BARX2: variants seen among roughly 807,000 people sequenced by gnomAD.
BARX2 encodes the protein homeobox protein BarH-like 2.
A neutral mutation model predicts 25.5 loss-of-function variants in BARX2; 11 were observed. The ratio of observed to expected loss-of-function variants is 0.43; its 90% CI spans 0.27 to 0.71. The LOEUF is 0.71. Among genes scored for constraint, BARX2 ranks in the 30% least tolerant of loss-of-function variants. BARX2 has a pLI of 0.19. For synonymous variants in BARX2, 137 were observed against 149.5 expected (o/e 0.92, Z 0.61); for missense variants, 360 against 359.9 (o/e 1.00, Z 0.00).
At chr11:129,406,084 C>T (rs1407975609) in intron 1 of BARX2, among the ~76,000 whole-genome samples, 1 of 152,170 alleles carries the variant, frequency 6.6e-6, no homozygotes, top group Non-Finnish European at 1.5e-5. Context: ...GAGCATAGCA[C>T]AGTGCCTCGC....
chr11:129,424,319 C>T (rs1565518226), intron 1 of BARX2, among the ~76,000 whole-genome samples: 2 of 152,208 alleles, frequency 1.3e-5, no homozygotes, highest in African/African-American at 2.4e-5. Flanking sequence ...CTGTAAGCCT[C>T]ATGTTTTCTC....
chr11:129,384,828 C>G (rs1347754326), intron 1 of BARX2, among the ~76,000 whole-genome samples: 1 of 152,152 alleles, frequency 6.6e-6, no homozygotes, highest in Admixed American at 6.5e-5. Context: ...TAGAAATTAC[C>G]TAACATGTAA....
At chr11:129,431,387 G>T (rs1418560697) in intron 1 of BARX2, among the ~76,000 whole-genome samples, 1 of 152,120 alleles carries the variant, frequency 6.6e-6, no homozygotes, top group Non-Finnish European at 1.5e-5. Flanking sequence ...TTCCAAAGAG[G>T]CCGTACCAGT....
At chr11:129,424,959 T>C (rs1403194496) in intron 1 of BARX2, among the ~76,000 whole-genome samples, 1 of 152,252 alleles carries the variant, frequency 6.6e-6, no homozygotes, top group Non-Finnish European at 1.5e-5. Flanking sequence ...AGTTGGGTGA[T>C]TGAAAAAAAT....
chr11:129,382,857 A>G (rs745381048), intron 1 of BARX2, among the ~76,000 whole-genome samples: 1 of 152,030 alleles, frequency 6.6e-6, no homozygotes, highest in Non-Finnish European at 1.5e-5. Context: ...TGCAGGTGGC[A>G]CCCTCTCTTG....
At chr11:129,389,751 T>G (rs149684781) in intron 1 of BARX2, among the ~76,000 whole-genome samples, 2,506 of 152,056 alleles carry the variant, frequency 0.016, 61 homozygotes, top group African/African-American at 0.055. Flanking sequence ...ACTATTCTTT[T>G]TTTCTTATTT....
At chr11:129,413,576 A>G (rs973760861) in intron 1 of BARX2, among the ~76,000 whole-genome samples, 1 of 152,088 alleles carries the variant, frequency 6.6e-6, no homozygotes, top group Non-Finnish European at 1.5e-5. Flanking sequence ...GGCAGGGGAT[A>G]CAATGTTGGA....
At chr11:129,411,335 C>T (rs934331473) in intron 1 of BARX2, among the ~76,000 whole-genome samples, 1 of 141,930 alleles carries the variant, frequency 7.0e-6, no homozygotes, top group East Asian at 2.0e-4. Context: ...CGTGCCACTG[C>T]ACTCCAGCCT....
At chr11:129,424,639 C>T (rs925521712) in intron 1 of BARX2, among the ~76,000 whole-genome samples, 1 of 152,162 alleles carries the variant, frequency 6.6e-6, no homozygotes, top group East Asian at 1.9e-4. Context: ...TCCCTCTTTA[C>T]CTTTAAATAA....
At chr11:129,401,198 C>T (rs377727412) in intron 1 of BARX2, among the ~76,000 whole-genome samples, 35 of 152,124 alleles carry the variant, frequency 2.3e-4, no homozygotes, top group African/African-American at 6.5e-4. Context: ...GGAAATGAGA[C>T]GGTGGAAATA....
rs114753425 is a variant in BARX2 at position 129,396,103 on chromosome 11, A to G, written c.187+19881A>G. ...CCGGTAGCACCGGCTTATTTAATGC[A>G]TGACATCGACTGTCTCTCCCATGGG... is the stretch of plus-strand genomic sequence containing the variant. On this transcript the variant is annotated intron_variant, in intron 1 of 3. Coordinates refer to ENST00000281437, the MANE Select transcript of BARX2 (RefSeq NM_003658.5). 8.9e-3 allele frequency among the ~76,000 whole-genome samples: 1,360 copies of G among 152,270 alleles called. 17 individuals carry two copies. The highest frequency in any genetic ancestry group is 0.028 in the African/African-American group (1,166 of 41,548).
intron 1 of BARX2, among the ~76,000 whole-genome samples, chr11:129,422,928 C>A (rs564644100): frequency 1.7e-4 from 26 of 149,450 alleles, no homozygotes; most frequent in African/African-American, 5.9e-4. Flanking sequence ...GTCTCAGACT[C>A]CCGACCTCAG....
intron 1 of BARX2, among the ~76,000 whole-genome samples, chr11:129,415,041 A>C (rs983914056): frequency 4.6e-5 from 7 of 152,204 alleles, no homozygotes; most frequent in Admixed American, 4.6e-4. Context: ...AATTTATTTC[A>C]CTTTTTATTT....
intron 1 of BARX2, among the ~76,000 whole-genome samples, chr11:129,430,400 A>G (rs1352711318): frequency 1.3e-5 from 2 of 152,200 alleles, no homozygotes; most frequent in Non-Finnish European, 2.9e-5. Context: ...ACATAGGAAC[A>G]ATTCTGTAAG....
At chr11:129,395,588 G>A (rs187213037) in intron 1 of BARX2, among the ~76,000 whole-genome samples, 7 of 152,220 alleles carry the variant, frequency 4.6e-5, no homozygotes, top group Admixed American at 3.3e-4. Flanking sequence ...CCCCTCCAGT[G>A]CCACGTTCAG....
At chr11:129,407,500 A>G (rs1861843633) in intron 1 of BARX2, among the ~76,000 whole-genome samples, 1 of 152,178 alleles carries the variant, frequency 6.6e-6, no homozygotes, top group African/African-American at 2.4e-5. Flanking sequence ...TGCACAGTCT[A>G]TGCTTTGCAC....
chr11:129,403,350 C>A (rs2135394213), intron 1 of BARX2, among the ~76,000 whole-genome samples: 1 of 152,306 alleles, frequency 6.6e-6, no homozygotes, highest in Non-Finnish European at 1.5e-5. Flanking sequence ...TATTTAAAGG[C>A]TTGTGTGAAA....
At chr11:129,378,011 CAG>C (rs1861521182) in intron 1 of BARX2, among the ~76,000 whole-genome samples, 1 of 152,110 alleles carries the variant, frequency 6.6e-6, no homozygotes. Flanking sequence ...GGAAATAAAT[CAG>C]AGGAAAAAAA....
At chr11:129,405,492 C>CT (rs1861820382) in intron 1 of BARX2, among the ~76,000 whole-genome samples, 1 of 152,080 alleles carries the variant, frequency 6.6e-6, no homozygotes, top group African/African-American at 2.4e-5. Flanking sequence ...AACTATAGTT[C>CT]TTTTTTGTTT....
Sources: gnomAD v4.1 joint callset for allele counts (sites outside exome capture counted in the v4.1 genomes callset) on GRCh38, gnomAD v4.1.1 for gene constraint, MANE v1.5 for transcripts, NCBI Gene and HGNC (gene_info 2026-07-23, HGNC 2026-07-21) for gene names.